Variants in MAGED1 observed in about 807,000 individuals in gnomAD.
MAGED1 encodes the protein MAGE family member D1, also known as melanoma-associated antigen D1.
MAGED1 carries 3 observed loss-of-function variants against 54.1 expected under a neutral mutation model. The observed-to-expected ratio is 0.06, with a 90% CI of 0.03 to 0.14. MAGED1 has a LOEUF of 0.14. Ranked by LOEUF, MAGED1 falls within the 10% of genes least tolerant of loss-of-function variation. MAGED1 has a pLI of 1.00. For missense variants in MAGED1, 485 were observed against 623.4 expected (o/e 0.78, Z 2.36); for synonymous variants, 217 against 227.3 (o/e 0.95, Z 0.41).
At chrX:51,805,227 T>C (rs1924984870) in intron 1 of MAGED1, among the ~76,000 whole-genome samples, 1 of 112,090 alleles carries the variant, frequency 8.9e-6, no homozygotes, top group Non-Finnish European at 1.9e-5. Context: ...TCCATAAATA[T>C]TTGGTACGGT....
chrX:51,803,311 C>A (rs782052667), intron 1 of MAGED1, among the ~76,000 whole-genome samples: 1 of 110,650 alleles, frequency 9.0e-6, no homozygotes, highest in South Asian at 4.0e-4. Flanking sequence ...GATGGGGGGC[C>A]CGCTCCTGCC....
chrX:51,880,003 C>T (rs1275434289), intron 1 of MAGED1, among the ~76,000 whole-genome samples: 7 of 112,560 alleles, frequency 6.2e-5, no homozygotes, highest in Non-Finnish European at 1.9e-5. Context: ...TTTTGTCTCA[C>T]CTTCTGGCTA....
At chrX:51,847,181 T>C (rs927592224) in intron 1 of MAGED1, among the ~76,000 whole-genome samples, 13 of 111,790 alleles carry the variant, frequency 1.2e-4, no homozygotes, top group African/African-American at 3.9e-4. Flanking sequence ...TAAAAAGAAA[T>C]AAAGTGTACA....
intron 1 of MAGED1, among the ~76,000 whole-genome samples, chrX:51,859,133 AT>A (rs199720979): frequency 1.7e-4 from 18 of 104,971 alleles, no homozygotes; most frequent in Admixed American, 5.2e-4. Context: ...CACCTTGCTC[AT>A]TTTTTTTTTA....
At chrX:51,869,213 A>C in intron 1 of MAGED1, among the ~76,000 whole-genome samples, 1 of 110,697 alleles carries the variant, frequency 9.0e-6, no homozygotes, top group Non-Finnish European at 1.9e-5. Flanking sequence ...GGGATTGAGT[A>C]ATTGGGGTGT....
chrX:51,883,987 C>A (rs375381594), intron 1 of MAGED1, among the ~76,000 whole-genome samples: 1 of 111,110 alleles, frequency 9.0e-6, no homozygotes, highest in African/African-American at 3.3e-5. Flanking sequence ...AACAAAACAA[C>A]AACAACAAAA....
At chrX:51,860,344 T>TTA (rs1446849257) in intron 1 of MAGED1, among the ~76,000 whole-genome samples, 3 of 111,520 alleles carry the variant, frequency 2.7e-5, no homozygotes, top group Non-Finnish European at 5.7e-5. Context: ...AGGAGGCTAT[T>TTA]TATAAAGTAG....
At chrX:51,827,661 A>C (rs782058064) in intron 1 of MAGED1, among the ~76,000 whole-genome samples, 13 of 111,512 alleles carry the variant, frequency 1.2e-4, no homozygotes, top group Non-Finnish European at 2.4e-4. Flanking sequence ...TATGTGAGGA[A>C]TCTCTACCTT....
At chrX:51,855,679 C>T (rs1927058605) in intron 1 of MAGED1, among the ~76,000 whole-genome samples, 1 of 111,270 alleles carries the variant, frequency 9.0e-6, no homozygotes, top group African/African-American at 3.3e-5. Context: ...GTGCCCACCA[C>T]CATGCCCGGC....
chrX:51,856,101 A>G (rs1843603450), intron 1 of MAGED1, among the ~76,000 whole-genome samples: 1 of 112,174 alleles, frequency 8.9e-6, no homozygotes, highest in Non-Finnish European at 1.9e-5. Context: ...TTCTTTGACA[A>G]TAGTTCTGAT....
rs370876134 is a variant in MAGED1 at position 51,830,479 on chromosome X, A to G, written c.-37+27362A>G. Among the ~76,000 whole-genome samples, 5 of 110,012 alleles carry G rather than the reference A, an allele frequency of 4.5e-5. No homozygotes were observed. In the East Asian group the frequency reaches 1.4e-3, roughly 31 times the overall value. ...ATTGTTAATTCTGGGTGGATATTCT[A>G]TATTATTCTATATTTTTGAGATATT... On this transcript the variant is annotated intron_variant, in intron 1 of 12. Transcript: ENST00000375772.
intron 1 of MAGED1, among the ~76,000 whole-genome samples, chrX:51,886,701 G>T (rs1928246057): frequency 9.1e-6 from 1 of 110,274 alleles, no homozygotes; most frequent in Admixed American, 9.6e-5. Flanking sequence ...AGGGTACAAG[G>T]TCAACTTACC....
Position 51,897,832 on chromosome X carries a change from A to G in MAGED1, c.1604A>G (p.Glu535Gly), listed in dbSNP as rs1557364489. The change falls in exon 7 of 13, where the codon GAA (glutamate) becomes GGA (glycine). Residue 535 changes from glutamate to glycine, a missense_variant. Glu to Gly is a moderately conservative substitution (Grantham distance 98). This residue lies in a region of MAGED1 where 186 missense variants were observed against 330.3 expected (regional missense o/e 0.56). Transcript: ENST00000326587. ...GIQLKEIDKE[E>G]HLYILISTPE... ...CAACTGAAAGAAATTGACAAAGAAGAACACCTGTATATTCTCATCAGTACC... is the reference window on the plus strand; with the variant it reads ...CAACTGAAAGAAATTGACAAAGAAGGACACCTGTATATTCTCATCAGTACC... The G allele has an allele frequency of 8.3e-7, 1 of 1,207,730 alleles. No individual in the cohort carries two copies.
intron 1 of MAGED1, among the ~76,000 whole-genome samples, chrX:51,873,385 C>T (rs1557361769): frequency 9.0e-6 from 1 of 110,833 alleles, no homozygotes; most frequent in East Asian, 2.8e-4. Context: ...ACCATATCAG[C>T]AGGATTGAAA....
In MAGED1 at chrX:51,895,570, C is replaced by G; in HGVS notation, c.563C>G (p.Thr188Ser). The G allele has an allele frequency of 8.3e-7, 1 of 1,211,859 alleles. No individual in the cohort carries two copies. Among genetic ancestry groups the G allele is most frequent in the Non-Finnish European group, 1.1e-6 (1 of 895,513 alleles). ...KTPFKAWNDT[T>S]KAPTADTQTQ... is the part of the protein sequence containing the mutation. The stretch of plus-strand genomic sequence containing the variant: ...CCTTTCAAGGCTTGGAATGATACCA[C>G]TAAGGCCCCAACAGCTGATACCCAG... The change falls in exon 3 of 13, where the codon ACT becomes AGT. Residue 188 changes from threonine (T) to serine (S), a missense_variant. By Grantham distance (58) the Thr-to-Ser change is moderately conservative. Transcript: ENST00000326587.
At chrX:51,888,200 T>C (rs185236853) in intron 1 of MAGED1, among the ~76,000 whole-genome samples, 1 of 111,685 alleles carries the variant, frequency 9.0e-6, no homozygotes, top group East Asian at 2.8e-4. Flanking sequence ...AGGGGATGGA[T>C]TCTCAGTGAT....
At chrX:51,833,698 A>G (rs189505538) in intron 1 of MAGED1, among the ~76,000 whole-genome samples, 3 of 112,360 alleles carry the variant, frequency 2.7e-5, no homozygotes, top group African/African-American at 9.7e-5. Context: ...TCGTCAGGAT[A>G]TTTAAAGATA....
In MAGED1 at chrX:51,895,671, G is replaced by C; in HGVS notation, c.664G>C (p.Asp222His). Reference protein sequence around the residue: ...IETDPGISEPDGATAQTSADG... With the variant: ...IETDPGISEPHGATAQTSADG... Reference sequence around the variant, plus strand: ...GACCGACCCAGGTATCTCTGAACCTGACGGTGCAACTGCACAGACATCAGC... The same window carrying C: ...GACCGACCCAGGTATCTCTGAACCTCACGGTGCAACTGCACAGACATCAGC... Residue 222 changes from aspartate (D) to histidine (H), a missense_variant, in exon 3 of 13, where the codon GAC becomes CAC. Coordinates refer to ENST00000326587, the MANE Select transcript of MAGED1 (RefSeq NM_006986.4). The C allele has an allele frequency of 1.7e-6, 2 of 1,206,869 alleles. No homozygotes were observed. Among genetic ancestry groups the C allele is most frequent in the Non-Finnish European group, 2.2e-6 (2 of 892,952 alleles).
In MAGED1 at chrX:51,825,136, G is replaced by A. The variant is rs184301521; in HGVS notation, c.-37+22019G>A. On this transcript the variant is annotated intron_variant, in intron 1 of 12. Coordinates refer to the MAGED1 transcript ENST00000375772. The stretch of plus-strand genomic sequence containing the variant: ...GATGTGTTGACAGGCTTGCATGTTG[G>A]GGAAGTCTCTCACAGTAGGAGCCTG... Among the ~76,000 whole-genome samples the A allele has an allele frequency of 2.0e-3, 226 of 110,418 alleles. 1 individual carries two copies. The highest frequency in any genetic ancestry group is 6.9e-3 in the African/African-American group (209 of 30,313).
Sources: gnomAD v4.1 joint callset for allele counts (sites outside exome capture counted in the v4.1 genomes callset) on GRCh38, gnomAD v4.1.1 for gene constraint, gnomAD v4.1.1 regional missense constraint, MANE v1.5 for transcripts, NCBI Gene and HGNC (gene_info 2026-07-23, HGNC 2026-07-21) for gene names.